Variants in ENAM observed in about 807,000 individuals in gnomAD.
The protein encoded by ENAM is enamelin, also known as amelogenesis imperfecta 2, hypocalcification (autosomal dominant).
Under a neutral mutation model 33.6 loss-of-function variants are expected in ENAM, and 21 were observed. The ratio of observed to expected loss-of-function variants is 0.63; its 90% CI spans 0.44 to 0.90. The LOEUF (loss-of-function observed/expected upper bound fraction) is 0.90, where lower values mean the gene tolerates loss of function less well. ENAM is among the 40% of genes least tolerant of loss of function. ENAM has a pLI of 0.00. For synonymous variants in ENAM, 473 were observed against 468.4 expected (o/e 1.01, Z -0.13); for missense variants, 1,388 against 1,366.9 (o/e 1.02, Z -0.24).
rs1294248640 is a variant in ENAM, at chr4:70,632,662, T to C, written c.180T>C (p.Tyr60=). The change falls in exon 5 of 9, where the codon TAT becomes TAC. Residue 60 remains tyrosine, a synonymous_variant. Transcript: ENST00000396073. The part of the protein sequence containing the change: ...FSSKSEEMMR[Y]NQFNFMNGPH... ...TCCTTTGGTTGCAGATGATGCGGTATAATCAATTCAACTTTATGAACGGCC... is the reference window on the plus strand; with the variant it reads ...TCCTTTGGTTGCAGATGATGCGGTACAATCAATTCAACTTTATGAACGGCC... 2 of 1,603,936 alleles carry C rather than the reference T, an allele frequency of 1.2e-6. No individual in the cohort carries two copies. Among genetic ancestry groups the C allele is most frequent in the South Asian group, 2.2e-5 (2 of 90,878 alleles).
chr4:70,629,565 T>G lies in ENAM; in HGVS notation c.54+11T>G. 1 of 1,605,430 alleles carries G rather than the reference T, an allele frequency of 6.2e-7. No homozygotes were observed. The highest frequency in any genetic ancestry group is 8.5e-7 in the Non-Finnish European group (1 of 1,172,180). Reference sequence around the variant, plus strand: ...AAACTAGATAACTTGGTGAGTACTTTCATTTATTTTTGCCAATACATACAG... The same window carrying G: ...AAACTAGATAACTTGGTGAGTACTTGCATTTATTTTTGCCAATACATACAG... On this transcript the variant is annotated intron_variant, in intron 2 of 8. Coordinates refer to ENST00000396073, the MANE Select transcript of ENAM (RefSeq NM_031889.3).
intron 7 of ENAM, among the ~76,000 whole-genome samples, chr4:70,637,058 T>G (rs1173816915): frequency 6.6e-6 from 1 of 152,230 alleles, no homozygotes; most frequent in East Asian, 1.9e-4. Flanking sequence ...GAACAATTCA[T>G]TTTAAGGAGT....
intron 8 of ENAM, 56 bp from the exon 9 acceptor site, chr4:70,641,956 AAAC>A: frequency 1.5e-6 from 2 of 1,320,038 alleles, no homozygotes; most frequent in Non-Finnish European, 2.2e-6. Context: ...AAAAAATTCC[AAAC>A]AACACCATGG....
Position 70,635,821 on chromosome 4 carries a change from T to C in ENAM, c.472-11T>C, listed in dbSNP as rs750284069. On this transcript the variant is annotated splice_polypyrimidine_tract_variant and intron_variant, in intron 6 of 8. Coordinates refer to ENST00000396073, the MANE Select transcript of ENAM (RefSeq NM_031889.3). The stretch of plus-strand genomic sequence containing the variant: ...AATACCACATCACTCTGATTCTTTC[T>C]TTCTCTCTAGGCATTCCCACCATTT... The C allele has an allele frequency of 2.6e-6, 4 of 1,565,620 alleles. No homozygotes were observed. Among genetic ancestry groups the C allele is most frequent in the Non-Finnish European group, 3.5e-6 (4 of 1,136,512 alleles).
At position 70,632,190 on chromosome 4, in the gene ENAM, C is replaced by A. The variant is rs140267753; in HGVS notation, c.168+297C>A. Among the ~76,000 whole-genome samples the A allele has an allele frequency of 9.9e-4, 150 of 152,030 alleles. 1 individual carries two copies. Among genetic ancestry groups the A allele is most frequent in the Middle Eastern group, 3.4e-3 (1 of 294 alleles). On this transcript the variant is annotated intron_variant, in intron 4 of 8. Transcript: ENST00000396073. ...AGCTAGCAAAAGTGACCAATTGTAC[C>A]AAGGGTTATTAGAAGGTAGATGCTT...
Position 70,643,074 on chromosome 4 carries a change from G to T in ENAM, c.1648G>T (p.Glu550Ter). 1 of 1,613,954 alleles carries T rather than the reference G, an allele frequency of 6.2e-7. No individual in the cohort carries two copies. The highest frequency in any genetic ancestry group is 8.5e-7 in the Non-Finnish European group (1 of 1,179,968). The change falls in exon 9 of 9, where the codon GAG becomes TAG. Residue 550 changes from glutamate to a stop codon, truncating the protein, a stop_gained. Transcript: ENST00000396073. LOFTEE classifies it low-confidence loss of function (END_TRUNC). ...CTCATATCAGCCTGCTGTATACCCT[G>T]AGGAAATCCCTTCTCCTGCAAAAGA... is the stretch of plus-strand genomic sequence containing the variant. ...HSSYQPAVYP[E>*]EIPSPAKEHF...
chr4:70,640,044 C>T (rs888100505), intron 8 of ENAM, among the ~76,000 whole-genome samples: 1 of 152,098 alleles, frequency 6.6e-6, no homozygotes, highest in Admixed American at 6.5e-5. Context: ...AAAGAAAAAT[C>T]AAATGATCTA....
At chr4:70,630,505 T>C (rs989486941) in intron 2 of ENAM, among the ~76,000 whole-genome samples, 4 of 152,180 alleles carry the variant, frequency 2.6e-5, no homozygotes, top group African/African-American at 9.7e-5. Flanking sequence ...TCTTAAGAAA[T>C]TACTCAAGTA....
rs141801636 is a variant in ENAM at position 70,644,323 on chromosome 4, A to G, written c.2897A>G (p.Gln966Arg). The G allele has an allele frequency of 6.2e-7, 1 of 1,614,214 alleles. No individual in the cohort carries two copies. Among genetic ancestry groups the G allele is most frequent in the Non-Finnish European group, 8.5e-7 (1 of 1,180,006 alleles). The change falls in exon 9 of 9, where the codon CAA (glutamine) becomes CGA (arginine). Residue 966 changes from glutamine (Q) to arginine (R), a missense_variant. Gln to Arg is a conservative substitution (Grantham distance 43, BLOSUM62 1). Transcript: ENST00000396073. ...TPCSIKNQLG[Q>R]KEIMPFPEAS... The stretch of plus-strand genomic sequence containing the variant: ...TGTTCTATAAAGAATCAACTGGGCC[A>G]AAAGGAAATTATGCCCTTTCCTGAA...
In ENAM at chr4:70,632,692, T is replaced by C. The variant is rs992575580; in HGVS notation, c.210T>C (p.His70=). 5 of 1,593,158 alleles carry C rather than the reference T, an allele frequency of 3.1e-6. No homozygotes were observed. The highest frequency in any genetic ancestry group is 4.3e-6 in the Non-Finnish European group (5 of 1,161,362). ...AATTCAACTTTATGAACGGCCCACA[T>C]GTAAGTTTTTCTTTATGTTATTTCT... ...YNQFNFMNGP[H]MAHLGPFFGN... The change falls in exon 5 of 9, where the codon CAT becomes CAC. Residue 70 remains histidine (H), a splice_region_variant and synonymous_variant. Coordinates refer to ENST00000396073, the MANE Select transcript of ENAM (RefSeq NM_031889.3).
chr4:70,635,128 A>G, intron 6 of ENAM, among the ~76,000 whole-genome samples: 1 of 152,086 alleles, frequency 6.6e-6, no homozygotes, highest in Non-Finnish European at 1.5e-5. Flanking sequence ...TGTAATCCCA[A>G]CACTTTGGGA....
In ENAM at chr4:70,643,787, G is replaced by A. The variant is rs748480572; in HGVS notation, c.2361G>A (p.Trp787Ter). 1.2e-6 allele frequency: 2 copies of A among 1,613,998 alleles called. No homozygotes were observed. Among genetic ancestry groups the A allele is most frequent in the Admixed American group, 1.7e-5 (1 of 59,998 alleles). Residue 787 changes from tryptophan (W) to a stop codon, truncating the protein, a stop_gained, in exon 9 of 9, where the codon TGG becomes TGA. Transcript: ENST00000396073. LOFTEE classifies it low-confidence loss of function (END_TRUNC). ...ERRPYFNRNI[W>*]DQATHLQKAP... ...GGCCGTATTTTAACAGAAATATCTGGGATCAGGCAACACATTTACAAAAAG... is the reference window on the plus strand; with the variant it reads ...GGCCGTATTTTAACAGAAATATCTGAGATCAGGCAACACATTTACAAAAAG...
rs762958791 is a variant in ENAM, at chr4:70,631,868, C to G, written c.143C>G (p.Pro48Arg). 3.1e-6 allele frequency: 5 copies of G among 1,613,920 alleles called. No homozygotes were observed. In the Admixed American group the frequency reaches 8.3e-5, roughly 27 times the overall value. ...VAMPMHMPRM[P>R]GFSSKSEEMM... ...TTCCAGATGCACATGCCCCGAATGC[C>G]TGGATTTAGCAGTAAAAGTGAGGAG... The change falls in exon 4 of 9, where the codon CCT becomes CGT. Residue 48 changes from proline to arginine, a missense_variant. Pro to Arg is a moderately radical substitution (Grantham distance 103). Coordinates refer to ENST00000396073, the MANE Select transcript of ENAM (RefSeq NM_031889.3).
In ENAM at chr4:70,643,745, A is replaced by G; in HGVS notation, c.2319A>G (p.Gln773=). The G allele has an allele frequency of 6.2e-7, 1 of 1,614,220 alleles. No homozygotes were observed. The highest frequency in any genetic ancestry group is 1.6e-4 in the Middle Eastern group (1 of 6,062). ...RNSWDHRIQA[Q]GQRERRPYFN... ...CCTGGGACCACAGGATACAAGCCCA[A>G]GGGCAGAGAGAAAGAAGGCCGTATT... is the stretch of plus-strand genomic sequence containing the variant. Residue 773 remains glutamine (Q), a synonymous_variant, in exon 9 of 9, where the codon CAA becomes CAG. Coordinates refer to ENST00000396073, the MANE Select transcript of ENAM (RefSeq NM_031889.3).
chr4:70,642,613 G>A lies in ENAM; in HGVS notation c.1187G>A (p.Gly396Glu). The A allele has an allele frequency of 1.2e-6, 2 of 1,614,006 alleles. No individual in the cohort carries two copies. The highest frequency in any genetic ancestry group is 1.7e-6 in the Non-Finnish European group (2 of 1,179,996). The change falls in exon 9 of 9, where the codon GGA (glycine) becomes GAA (glutamate). Residue 396 changes from glycine to glutamate, a missense_variant. By Grantham distance (98) the Gly-to-Glu change is moderately conservative. Coordinates refer to ENST00000396073, the MANE Select transcript of ENAM (RefSeq NM_031889.3). ...TSRGNYPNYA[G>E]NPANLRRKPQ... ...AGAGGCAATTATCCCAATTATGCAG[G>A]AAATCCAGCAAATCTCAGAAGAAAG...
intron 8 of ENAM, among the ~76,000 whole-genome samples, chr4:70,638,535 C>T (rs535190846): frequency 1.6e-4 from 23 of 144,524 alleles, no homozygotes; most frequent in African/African-American, 5.5e-4. Flanking sequence ...GCCATAGCAC[C>T]ACTGCACTCC....
chr4:70,643,394 A>G lies in ENAM; in HGVS notation c.1968A>G (p.Pro656=), dbSNP rs1738661416. 2 of 1,614,186 alleles carry G rather than the reference A, an allele frequency of 1.2e-6. No individual in the cohort carries two copies. The highest frequency in any genetic ancestry group is 1.3e-5 in the African/African-American group (1 of 75,062). Residue 656 remains proline (P), a synonymous_variant, in exon 9 of 9, where the codon CCA becomes CCG. Coordinates refer to ENST00000396073, the MANE Select transcript of ENAM (RefSeq NM_031889.3). ...TAGTCCCTTATAATGAAGAGGACCC[A>G]GTTGATCCAACTGGAGATGAAGTCT... ...KEIVPYNEED[P]VDPTGDEVFP... is the part of the protein sequence containing the mutation.
At chr4:70,635,756 TA>T (rs1738435709) in intron 6 of ENAM, 75 bp from the exon 7 acceptor site, 1 of 925,028 alleles carries the variant, frequency 1.1e-6, no homozygotes, top group Non-Finnish European at 1.8e-6. Context: ...GTTTCAATTG[TA>T]TTTAGTTAGT....
chr4:70,643,652 G>A lies in ENAM; in HGVS notation c.2226G>A (p.Glu742=). The part of the protein sequence containing the change: ...NTASTMPPPI[E]SRGYYVNNAA... ...CTTCTACTATGCCACCACCTATAGAGAGCAGGGGCTACTACGTTAATAATG... is the reference window on the plus strand; with the variant it reads ...CTTCTACTATGCCACCACCTATAGAAAGCAGGGGCTACTACGTTAATAATG... The change falls in exon 9 of 9, where the codon GAG becomes GAA. Residue 742 remains glutamate (E), a synonymous_variant. Coordinates refer to ENST00000396073, the MANE Select transcript of ENAM (RefSeq NM_031889.3). 5 of 1,614,130 alleles carry A rather than the reference G, an allele frequency of 3.1e-6. No individual in the cohort carries two copies. The highest frequency in any genetic ancestry group is 4.2e-6 in the Non-Finnish European group (5 of 1,180,010).
Sources: gnomAD v4.1 joint callset for allele counts (sites outside exome capture counted in the v4.1 genomes callset) on GRCh38, gnomAD v4.1.1 for gene constraint, MANE v1.5 for transcripts, NCBI Gene and HGNC (gene_info 2026-07-23, HGNC 2026-07-21) for gene names.